LRP1: variants seen among roughly 807,000 people sequenced by gnomAD.
LRP1 encodes LDL receptor related protein 1, also known as prolow-density lipoprotein receptor-related protein 1.
LRP1 carries 51 observed loss-of-function variants against 541.5 expected under a neutral mutation model. The ratio of observed to expected loss-of-function variants is 0.09; its 90% confidence interval spans 0.08 to 0.12. LRP1 has a LOEUF of 0.12. Ranked by LOEUF, LRP1 falls within the 10% of genes least tolerant of loss-of-function variation. The pLI, the probability that LRP1 is intolerant of heterozygous loss-of-function variation, is 1.00. For missense variants in LRP1, 3,878 were observed against 6,376.2 expected, an observed-to-expected ratio of 0.61 and a Z score of 13.34; for synonymous variants, 2,219 against 2,470.8, an observed-to-expected ratio of 0.90 and a Z score of 3.02.
intron 62 of LRP1, 95 bp from the exon 63 acceptor site, chr12:57,200,347 C>A (rs2036622660): frequency 1.2e-6 from 1 of 815,242 alleles, no homozygotes; most frequent in African/African-American, 1.7e-5. Flanking sequence ...CTGACCCCTG[C>A]CTCAACTTCT....
At chr12:57,143,642 G>A (rs1233749187) in intron 3 of LRP1, 37 bp from the exon 4 acceptor site, 2 of 1,595,186 alleles carry the variant, frequency 1.3e-6, no homozygotes, top group Admixed American at 3.4e-5. Flanking sequence ...TGCCAGATCT[G>A]GCGGCCTGAA....
chr12:57,193,073 G>T lies in LRP1; in HGVS notation c.7555+103G>T. 5.7e-6 allele frequency: 9 copies of T among 1,586,088 alleles called. 1 individual carries two copies. The highest frequency in any genetic ancestry group is 7.7e-6 in the Non-Finnish European group (9 of 1,163,288). ...CCAGCCCAGCCCCCCAAAGCCTTTT[G>T]CCAAGAAGACGCTGATGATGACCTC... On this transcript the variant is annotated intron_variant, in intron 45 of 88. Transcript: ENST00000243077.
In LRP1 at chr12:57,183,788, C is replaced by T. The variant is rs777918988; in HGVS notation, c.5808C>T (p.Ile1936=). Residue 1936 remains isoleucine (I), a synonymous_variant, in exon 36 of 89, where the codon ATC becomes ATT. Transcript: ENST00000243077. This position sits in a 1 kb window ranked among gnomAD's most constrained non-coding sequence, Gnocchi z 6.1. ...GIDFHAENDT[I]YWVDMGLSTI... ...CTCCACCTCCAGAAAATGACACCAT[C>T]TACTGGGTGGACATGGGCCTGAGCA... The T allele has an allele frequency of 5.0e-6, 8 of 1,614,118 alleles. No homozygotes were observed. The highest frequency in any genetic ancestry group is 6.8e-6 in the Non-Finnish European group (8 of 1,180,036).
chr12:57,186,804 C>G (rs1263140418), intron 41 of LRP1, among the ~76,000 whole-genome samples: 4 of 152,244 alleles, frequency 2.6e-5, no homozygotes, highest in Non-Finnish European at 4.4e-5. Context: ...CTAGTCTTTT[C>G]TCTTACACTG....
chr12:57,150,061 A>G (rs2035496709), intron 6 of LRP1: 1 of 327,312 alleles, frequency 3.1e-6, no homozygotes, highest in Admixed American at 4.4e-5. Flanking sequence ...GGATCAATAC[A>G]TGTGTGTCAG....
At position 57,213,196 on chromosome 12, in the gene LRP1, C is replaced by T. The variant is rs1044362371; in HGVS notation, c.*641C>T. ...CCTCTGGTAAACATTCCTCCAGCCT[C>T]CCCTCCCCTGGGGACGCCAAGGAGG... On this transcript the variant is annotated 3_prime_UTR_variant, in exon 89 of 89. Coordinates refer to ENST00000243077, the MANE Select transcript of LRP1 (RefSeq NM_002332.3). 9 of 152,034 alleles carry T rather than the reference C, an allele frequency of 5.9e-5. No individual in the cohort carries two copies. Among genetic ancestry groups the T allele is most frequent in the African/African-American group, 2.2e-4 (9 of 41,468 alleles). 9.4% of individuals were successfully genotyped at this position (152,034 alleles called of 1,614,324 possible).
At chr12:57,176,794 A>G (rs911701137) in intron 24 of LRP1, among the ~76,000 whole-genome samples, 1 of 152,028 alleles carries the variant, frequency 6.6e-6, no homozygotes, top group African/African-American at 2.4e-5. Flanking sequence ...CTTGAGCTCA[A>G]GCAGTTGAGG....
At chr12:57,207,573 G>T (rs988436847) in intron 76 of LRP1, among the ~76,000 whole-genome samples, 29 of 152,126 alleles carry the variant, frequency 1.9e-4, no homozygotes, top group African/African-American at 6.8e-4. Context: ...GCAGTGCGAG[G>T]GGCAAAGGTT....
At chr12:57,186,825 G>T (rs2036280451) in intron 41 of LRP1, among the ~76,000 whole-genome samples, 3 of 152,242 alleles carry the variant, frequency 2.0e-5, no homozygotes, top group African/African-American at 7.2e-5. Context: ...CTGTTCGGCT[G>T]TGTCTCTCAC....
At position 57,162,186 on chromosome 12, in the gene LRP1, T is replaced by G. The variant is rs539494409; in HGVS notation, c.2203-131T>G. On this transcript the variant is annotated intron_variant, in intron 13 of 88. Coordinates refer to ENST00000243077, the MANE Select transcript of LRP1 (RefSeq NM_002332.3). The surrounding 1 kb of genome is among the most constrained non-coding windows in gnomAD (Gnocchi z 5.2). ...GTGCAAAACTATCACTCTCTGGGGC[T>G]CCCAGGCTAATGGGGGAAACAAAGC... 4.3e-5 allele frequency: 34 copies of G among 787,132 alleles called. 1 individual carries two copies. The East Asian group carries it at 8.3e-4, about 19-fold the overall frequency. 48.8% of individuals were successfully genotyped at this position (787,132 alleles called of 1,614,324 possible). A position where few individuals can be genotyped will look rare whatever the true frequency, so the allele number is the denominator to read the frequency against.
Position 57,190,994 on chromosome 12 carries a change from C to T in LRP1, c.7221C>T (p.Asp2407=). 3 of 1,610,786 alleles carry T rather than the reference C, an allele frequency of 1.9e-6. No individual in the cohort carries two copies. Among genetic ancestry groups the T allele is most frequent in the South Asian group, 2.2e-5 (2 of 91,002 alleles). The stretch of plus-strand genomic sequence containing the variant: ...ACAAGATCGAGCGGTGCGAGTATGA[C>T]GGCTCCCACCGCTATGTGAGTCTGC... The part of the protein sequence containing the change: ...TLDKIERCEY[D]GSHRYVILKS... The change falls in exon 43 of 89, where the codon GAC becomes GAT. Residue 2407 remains aspartate, a synonymous_variant. Transcript: ENST00000243077.
intron 20 of LRP1, among the ~76,000 whole-genome samples, chr12:57,172,062 C>CTT (rs57732385): frequency 2.4e-5 from 3 of 126,848 alleles, no homozygotes; most frequent in Non-Finnish European, 5.0e-5. Flanking sequence ...TTTCTTTTTT[C>CTT]TTTTTTTTTT....
At position 57,201,407 on chromosome 12, in the gene LRP1, G is replaced by GTT. The variant is rs2036651687; in HGVS notation, c.10346-90_10346-89insTT. The GTT allele has an allele frequency of 5.9e-6, 9 of 1,531,516 alleles. No homozygotes were observed. Among genetic ancestry groups the GTT allele is most frequent in the Non-Finnish European group, 7.9e-6 (9 of 1,134,256 alleles). 94.9% of individuals were successfully genotyped at this position (1,531,516 alleles called of 1,614,324 possible). On this transcript the variant is annotated intron_variant, in intron 65 of 88. Coordinates refer to ENST00000243077, the MANE Select transcript of LRP1 (RefSeq NM_002332.3). The surrounding 1 kb of genome is among the most constrained non-coding windows in gnomAD (Gnocchi z 6.4). ...CCGAAGAAGTTGCTGGCAGGACCAAGGCCAGGGCTTGGAAGAGAGAGAAGA... is the reference window on the plus strand; with the variant it reads ...CCGAAGAAGTTGCTGGCAGGACCAAGTTGCCAGGGCTTGGAAGAGAGAGAAGA...
chr12:57,162,267 C>G lies in LRP1; in HGVS notation c.2203-50C>G. 1.3e-5 allele frequency: 18 copies of G among 1,431,894 alleles called. No homozygotes were observed. Among genetic ancestry groups the G allele is most frequent in the Non-Finnish European group, 1.8e-5 (18 of 1,015,504 alleles). 88.7% of individuals were successfully genotyped at this position (1,431,894 alleles called of 1,614,324 possible). ...ATGTACAAAACAGTGATCTCACAGG[C>G]CTCCCTCAATTTTCTTCCAACTCCT... is the stretch of plus-strand genomic sequence containing the variant. On this transcript the variant is annotated intron_variant, in intron 13 of 88. Transcript: ENST00000243077. The surrounding 1 kb of genome is among the most constrained non-coding windows in gnomAD (Gnocchi z 5.2).
At chr12:57,146,128 G>A (rs2035401054) in intron 6 of LRP1, among the ~76,000 whole-genome samples, 1 of 152,152 alleles carries the variant, frequency 6.6e-6, no homozygotes, top group Admixed American at 6.5e-5. Flanking sequence ...GTGGAAGAAG[G>A]GGTGTCACAG....
Position 57,193,188 on chromosome 12 carries a change from C to T in LRP1, c.7568C>T (p.Ser2523Phe). ...CCTCCCTCCCCAGCGGTGAATTCCT[C>T]TTGCCGAGCACAAGATGAGTTTGAG... ...DDLTCRAVNSSCRAQDEFECA... is the reference protein window; with the variant it reads ...DDLTCRAVNSFCRAQDEFECA... The change falls in exon 46 of 89, where the codon TCT (serine) becomes TTT (phenylalanine). Residue 2523 changes from serine to phenylalanine, a missense_variant. By Grantham distance (155) the Ser-to-Phe change is radical. Transcript: ENST00000243077. 6.2e-7 allele frequency: 1 copy of T among 1,614,090 alleles called. No homozygotes were observed. Among genetic ancestry groups the T allele is most frequent in the East Asian group, 2.2e-5 (1 of 44,882 alleles).
At chr12:57,187,112 G>T (rs1161892661) in intron 41 of LRP1, among the ~76,000 whole-genome samples, 155 bp from the exon 42 acceptor site, 2 of 152,168 alleles carry the variant, frequency 1.3e-5, no homozygotes, top group Non-Finnish European at 2.9e-5. Flanking sequence ...AGACCCTGGT[G>T]CCCCCGAGCC....
chr12:57,166,052 T>C, intron 16 of LRP1, 32 bp from the exon 17 acceptor site: 1 of 1,613,750 alleles, frequency 6.2e-7, no homozygotes, highest in Non-Finnish European at 8.5e-7. Context: ...GCACCCAACT[T>C]CTCGCTGACC....
chr12:57,205,265 G>A lies in LRP1; in HGVS notation c.11335+16G>A, dbSNP rs201950624. ...TGCAGCATCGGTGAGGCCCGGCAGC[G>A]GACCGGACGCTGGTGGGGAGTGGGG... is the stretch of plus-strand genomic sequence containing the variant. On this transcript the variant is annotated intron_variant, in intron 73 of 88. Transcript: ENST00000243077. The surrounding 1 kb of genome is among the most constrained non-coding windows in gnomAD (Gnocchi z 4.6). 4.9e-4 allele frequency: 793 copies of A among 1,605,546 alleles called. 9 individuals are homozygous for A. In the East Asian group the frequency reaches 0.016, roughly 32 times the overall value.
Sources: gnomAD v4.1 joint callset for allele counts (sites outside exome capture counted in the v4.1 genomes callset) on GRCh38, gnomAD v4.1.1 for gene constraint, Gnocchi (gnomAD v3.1) non-coding constraint, MANE v1.5 for transcripts, NCBI Gene and HGNC (gene_info 2026-07-23, HGNC 2026-07-21) for gene names.